UBE2U: variants seen among roughly 807,000 people sequenced by gnomAD.
The protein encoded by UBE2U is ubiquitin conjugating enzyme E2 U.
UBE2U carries 39 observed loss-of-function variants against 41.2 expected under a neutral mutation model. The ratio of observed to expected loss-of-function variants is 0.95; its 90% CI spans 0.73 to 1.24. The LOEUF is 1.24. UBE2U is among the 50% of genes most tolerant of loss of function. UBE2U has a pLI of 0.00. For missense variants in UBE2U, 336 were observed against 363.1 expected, an observed-to-expected ratio of 0.93 and a Z score of 0.61; for synonymous variants, 107 against 117.8, an observed-to-expected ratio of 0.91 and a Z score of 0.60.
At chr1:64,231,665 T>G (rs938814252) in intron 6 of UBE2U, among the ~76,000 whole-genome samples, 4 of 152,204 alleles carry the variant, frequency 2.6e-5, no homozygotes, top group South Asian at 4.1e-4. Context: ...ATTTAAAAGT[T>G]GAGTCAAATA....
At chr1:64,209,649 A>C (rs1651541925) in intron 3 of UBE2U, among the ~76,000 whole-genome samples, 1 of 152,048 alleles carries the variant, frequency 6.6e-6, no homozygotes, top group Non-Finnish European at 1.5e-5. Context: ...TTGAGGGGAG[A>C]GAAGGGTTAT....
chr1:64,207,309 C>G (rs573067468), intron 3 of UBE2U, among the ~76,000 whole-genome samples: 2 of 152,190 alleles, frequency 1.3e-5, no homozygotes, highest in African/African-American at 2.4e-5. Context: ...CGCCACCACA[C>G]CTGGCTAGTT....
chr1:64,261,066 G>A (rs1645173663), intron 9 of UBE2U, among the ~76,000 whole-genome samples: 1 of 152,156 alleles, frequency 6.6e-6, no homozygotes. Flanking sequence ...CAATATGGTT[G>A]AAAAGAAAGA....
intron 7 of UBE2U, among the ~76,000 whole-genome samples, chr1:64,235,452 T>C (rs1230599773): frequency 6.6e-6 from 1 of 152,240 alleles, no homozygotes; most frequent in Non-Finnish European, 1.5e-5. Flanking sequence ...TATCTTTTGA[T>C]AGTTCAGCTG....
At chr1:64,213,079 C>G (rs1306065617) in intron 4 of UBE2U, among the ~76,000 whole-genome samples, 1 of 152,116 alleles carries the variant, frequency 6.6e-6, no homozygotes, top group African/African-American at 2.4e-5. Context: ...GCTCTTTTCT[C>G]CTGTTTTTCA....
At chr1:64,226,439 G>T (rs887381518) in intron 6 of UBE2U, among the ~76,000 whole-genome samples, 6 of 152,192 alleles carry the variant, frequency 3.9e-5, no homozygotes, top group Non-Finnish European at 8.8e-5. Context: ...ATGAGGTAAT[G>T]CTTATGCAGA....
At chr1:64,210,546 C>A (rs1181150596) in intron 3 of UBE2U, among the ~76,000 whole-genome samples, 196 bp from the exon 4 acceptor site, 1 of 152,092 alleles carries the variant, frequency 6.6e-6, no homozygotes, top group African/African-American at 2.4e-5. Context: ...TGTAGGGGCA[C>A]CTATGTATTC....
At chr1:64,221,205 C>T (rs990503432) in intron 6 of UBE2U, among the ~76,000 whole-genome samples, 11 of 152,156 alleles carry the variant, frequency 7.2e-5, no homozygotes, top group African/African-American at 1.4e-4. Flanking sequence ...TCAGCCTCCA[C>T]GGTTCAAGCG....
At chr1:64,246,066 T>C (rs1047087448) in intron 8 of UBE2U, among the ~76,000 whole-genome samples, 1 of 152,208 alleles carries the variant, frequency 6.6e-6, no homozygotes, top group Non-Finnish European at 1.5e-5. Context: ...CAATCAAGTG[T>C]ACATTTTGTG....
chr1:64,227,472 T>G (rs1447437125), intron 6 of UBE2U, among the ~76,000 whole-genome samples: 1 of 152,192 alleles, frequency 6.6e-6, no homozygotes, highest in South Asian at 2.1e-4. Flanking sequence ...TGTTTCTATA[T>G]ACTCATAATC....
intron 7 of UBE2U, among the ~76,000 whole-genome samples, chr1:64,234,293 T>G (rs1032787747): frequency 2.0e-5 from 3 of 152,172 alleles, no homozygotes; most frequent in Non-Finnish European, 2.9e-5. Flanking sequence ...AGATCACTAA[T>G]TTTACATTTT....
At chr1:64,225,883 T>C (rs1570022415) in intron 6 of UBE2U, among the ~76,000 whole-genome samples, 1 of 152,246 alleles carries the variant, frequency 6.6e-6, no homozygotes, top group East Asian at 1.9e-4. Context: ...TATGGAGTAA[T>C]TGGAGCTTTC....
chr1:64,247,864 CAAA>C (rs71056034), intron 8 of UBE2U, among the ~76,000 whole-genome samples: 32,714 of 127,626 alleles, frequency 0.26, 3,921 homozygotes, highest in Middle Eastern at 0.38. Flanking sequence ...ACCTGTCTCA[CAAA>C]AAAAAAAAAA....
intron 5 of UBE2U, among the ~76,000 whole-genome samples, chr1:64,215,205 C>T (rs950130912): frequency 2.6e-5 from 4 of 151,710 alleles, no homozygotes; most frequent in African/African-American, 9.7e-5. Context: ...CACTCTAGCC[C>T]GGGCAACGAG....
intron 7 of UBE2U, among the ~76,000 whole-genome samples, chr1:64,239,424 G>C (rs993124683): frequency 1.3e-5 from 2 of 151,864 alleles, no homozygotes; most frequent in African/African-American, 4.8e-5. Flanking sequence ...CAACGTGCAG[G>C]TTTGTTACAT....
At chr1:64,257,993 T>C (rs1395403252) in intron 8 of UBE2U, among the ~76,000 whole-genome samples, 1 of 152,132 alleles carries the variant, frequency 6.6e-6, no homozygotes, top group Non-Finnish European at 1.5e-5. Context: ...TCCATAACTA[T>C]AGCCAACATC....
chr1:64,226,801 C>G (rs1484051132), intron 6 of UBE2U, among the ~76,000 whole-genome samples: 1 of 151,186 alleles, frequency 6.6e-6, no homozygotes, highest in East Asian at 1.9e-4. Context: ...CATTTCCAAA[C>G]CTCCAAACTC....
intron 1 of UBE2U, 115 bp from the exon 2 acceptor site, chr1:64,205,524 C>A: frequency 1.2e-6 from 1 of 815,196 alleles, no homozygotes; most frequent in Non-Finnish European, 1.9e-6. Context: ...ATAAACTTAT[C>A]AAGGAAAGAA....
intron 7 of UBE2U, among the ~76,000 whole-genome samples, chr1:64,235,620 AT>A (rs915012571): frequency 2.2e-4 from 34 of 152,330 alleles, no homozygotes; most frequent in African/African-American, 7.9e-4. Context: ...CATTAGAAAG[AT>A]TATTAAACTC....
Sources: gnomAD v4.1 joint callset for allele counts (sites outside exome capture counted in the v4.1 genomes callset) on GRCh38, gnomAD v4.1.1 for gene constraint, MANE v1.5 for transcripts, NCBI Gene and HGNC (gene_info 2026-07-23, HGNC 2026-07-21) for gene names.